Variants in KATNAL1 observed in about 807,000 individuals in gnomAD.
The protein encoded by KATNAL1 is katanin catalytic subunit A1 like 1.
KATNAL1 carries 32 observed loss-of-function variants against 55.2 expected under a neutral mutation model. The observed-to-expected ratio is 0.58, with a 90% CI of 0.44 to 0.78. The LOEUF is 0.78. KATNAL1 is among the 30% of genes least tolerant of loss of function. The pLI is 0.00. For synonymous variants in KATNAL1, 193 were observed against 193.6 expected (o/e 1.00, Z 0.02); for missense variants, 466 against 600.9 (o/e 0.78, Z 2.35).
intron 2 of KATNAL1, chr13:30,281,999 T>G (rs1404641055): frequency 6.6e-6 from 1 of 151,754 alleles, no homozygotes; most frequent in Non-Finnish European, 1.5e-5. Context: ...ATGCTTTTAT[T>G]TCCTTAAAGA....
In KATNAL1 at chr13:30,205,767, T is replaced by C. The variant is rs1873064094; in HGVS notation, c.*2773A>G. The C allele has an allele frequency of 6.5e-6, 1 of 154,430 alleles. No individual in the cohort carries two copies. The allele number at this position is 154,430 out of a possible 1,614,324, so 9.6% of individuals were successfully genotyped here. On this transcript the variant is annotated 3_prime_UTR_variant, in exon 11 of 11. Transcript: ENST00000380615. Reference sequence around the variant, plus strand: ...AATAAAGACTGTGTGTGTGTGTGTGTGTGTGTGTGTGTGTGTGTGTGTCTC... The same window carrying C: ...AATAAAGACTGTGTGTGTGTGTGTGCGTGTGTGTGTGTGTGTGTGTGTCTC...
intron 9 of KATNAL1, among the ~76,000 whole-genome samples, chr13:30,217,489 A>G (rs775265900): frequency 2.0e-5 from 3 of 152,220 alleles, no homozygotes; most frequent in African/African-American, 7.2e-5. Flanking sequence ...TAAGCTTGTG[A>G]AAAGATTTAA....
rs888690106 is a variant in KATNAL1 at position 30,207,356 on chromosome 13, C to G, written c.*1184G>C. The stretch of plus-strand genomic sequence containing the variant: ...CTTTATCTTAGTGTGTGTAAAAGTT[C>G]TCAACCTAGACAAGGACAAATTTTA... On this transcript the variant is annotated 3_prime_UTR_variant, in exon 11 of 11. Coordinates refer to ENST00000380615, the MANE Select transcript of KATNAL1 (RefSeq NM_032116.5). 2 of 152,142 alleles carry G rather than the reference C, an allele frequency of 1.3e-5. No homozygotes were observed. Among genetic ancestry groups the G allele is most frequent in the Non-Finnish European group, 2.9e-5 (2 of 68,032 alleles). The allele number at this position is 152,142 out of a possible 1,614,324, so 9.4% of individuals were successfully genotyped here. A position where few individuals can be genotyped will look rare whatever the true frequency, so the allele number is the denominator to read the frequency against.
At chr13:30,266,102 C>T (rs1406745735) in intron 3 of KATNAL1, among the ~76,000 whole-genome samples, 4 of 151,636 alleles carry the variant, frequency 2.6e-5, no homozygotes, top group Non-Finnish European at 5.9e-5. Flanking sequence ...GCAACCTCTA[C>T]CTCCCAGGTT....
chr13:30,252,980 A>T (rs1878465225), intron 4 of KATNAL1, among the ~76,000 whole-genome samples: 1 of 152,118 alleles, frequency 6.6e-6, no homozygotes, highest in Admixed American at 6.5e-5. Flanking sequence ...CTCCTGGGCT[A>T]AAGTGATTCA....
chr13:30,266,851 AG>A (rs1295507233), intron 3 of KATNAL1, among the ~76,000 whole-genome samples: 1 of 152,228 alleles, frequency 6.6e-6, no homozygotes, highest in Non-Finnish European at 1.5e-5. Flanking sequence ...CTGGAGGTAC[AG>A]ACATACTTCT....
rs1003712846 is a variant in KATNAL1, at chr13:30,205,172, A to G, written c.*3368T>C. The G allele has an allele frequency of 1.3e-5, 2 of 152,208 alleles. No individual in the cohort carries two copies. Among genetic ancestry groups the G allele is most frequent in the Admixed American group, 1.3e-4 (2 of 15,280 alleles). 9.4% of individuals were successfully genotyped at this position (152,208 alleles called of 1,614,324 possible). A position where few individuals can be genotyped will look rare whatever the true frequency, so the allele number is the denominator to read the frequency against. ...AAAGTGCAAAAAATAGGGGAAAAAA[A>G]CTTTTATATATTTTTCCAAAGCACA... On this transcript the variant is annotated 3_prime_UTR_variant, in exon 11 of 11. Coordinates refer to ENST00000380615, the MANE Select transcript of KATNAL1 (RefSeq NM_032116.5).
intron 4 of KATNAL1, among the ~76,000 whole-genome samples, chr13:30,243,608 CAAAAAAAAAAAAAAA>C (rs139687662): frequency 8.1e-5 from 7 of 86,468 alleles, no homozygotes; most frequent in African/African-American, 4.1e-4. Flanking sequence ...GGTATTAAGC[CAAAAAAAAAAAAAAA>C]AAAAAAAAAA....
intron 4 of KATNAL1, among the ~76,000 whole-genome samples, chr13:30,245,186 C>T (rs1306485510): frequency 6.6e-6 from 1 of 152,142 alleles, no homozygotes; most frequent in Non-Finnish European, 1.5e-5. Context: ...TCCAGCAGCA[C>T]ATCAAAAAGC....
intron 8 of KATNAL1, among the ~76,000 whole-genome samples, chr13:30,229,780 A>G (rs1875894343): frequency 6.6e-6 from 1 of 152,154 alleles, no homozygotes; most frequent in East Asian, 1.9e-4. Flanking sequence ...GTATCTATCA[A>G]TATCTTTAAA....
At chr13:30,270,823 CTTGT>C (rs1375041978) in intron 3 of KATNAL1, among the ~76,000 whole-genome samples, 1 of 151,018 alleles carries the variant, frequency 6.6e-6, no homozygotes, top group African/African-American at 2.4e-5. Context: ...CCTTTGTTCA[CTTGT>C]TTATCTGCTG....
intron 9 of KATNAL1, among the ~76,000 whole-genome samples, chr13:30,226,902 C>G (rs531562482): frequency 2.0e-5 from 3 of 152,108 alleles, no homozygotes; most frequent in East Asian, 1.9e-4. Flanking sequence ...ATGGCAAAAC[C>G]CTGTCTCTAC....
At chr13:30,302,219 C>T (rs904634444) in intron 1 of KATNAL1, among the ~76,000 whole-genome samples, 1 of 152,138 alleles carries the variant, frequency 6.6e-6, no homozygotes, top group African/African-American at 2.4e-5. Flanking sequence ...TATTTACTTA[C>T]TCATCCATTC....
intron 1 of KATNAL1, among the ~76,000 whole-genome samples, chr13:30,290,113 G>A (rs751122536): frequency 5.9e-5 from 9 of 152,152 alleles, no homozygotes; most frequent in East Asian, 1.9e-4. Context: ...GCAGTTTGCC[G>A]ACTCTTGCTT....
At chr13:30,252,025 A>C (rs149034386) in intron 4 of KATNAL1, among the ~76,000 whole-genome samples, 2 of 152,342 alleles carry the variant, frequency 1.3e-5, no homozygotes, top group African/African-American at 4.8e-5. Context: ...TCAGAAAATA[A>C]ACTCGTATTA....
In KATNAL1 at chr13:30,281,494, G is replaced by C. The variant is rs1443248138; in HGVS notation, c.163-1271C>G. Among the ~76,000 whole-genome samples, 3 of 152,114 alleles carry C rather than the reference G, an allele frequency of 2.0e-5. No homozygotes were observed. In the East Asian group the frequency reaches 5.8e-4, roughly 29 times the overall value. On this transcript the variant is annotated intron_variant, in intron 2 of 10. Coordinates refer to ENST00000380615, the MANE Select transcript of KATNAL1 (RefSeq NM_032116.5). ...AGATTAATAAAATACCCTGCCTGTGGCTAATAGGAAGGATAGAAGAAAACA... is the reference window on the plus strand; with the variant it reads ...AGATTAATAAAATACCCTGCCTGTGCCTAATAGGAAGGATAGAAGAAAACA...
intron 1 of KATNAL1, among the ~76,000 whole-genome samples, chr13:30,292,319 G>A (rs1247065234): frequency 6.6e-6 from 1 of 151,302 alleles, no homozygotes; most frequent in Non-Finnish European, 1.5e-5. Flanking sequence ...TGACCTAAAT[G>A]TAAGAGTTAA....
At chr13:30,245,459 C>A (rs1031458346) in intron 4 of KATNAL1, among the ~76,000 whole-genome samples, 5 of 152,108 alleles carry the variant, frequency 3.3e-5, no homozygotes, top group Non-Finnish European at 4.4e-5. Context: ...ACTGAATGGG[C>A]AAAAGCTGGA....
intron 3 of KATNAL1, among the ~76,000 whole-genome samples, chr13:30,274,883 A>G (rs866788980): frequency 9.3e-5 from 12 of 129,294 alleles, no homozygotes; most frequent in Non-Finnish European, 1.6e-4. Flanking sequence ...GGGTGTGTGC[A>G]CACACATACG....
Sources: gnomAD v4.1 joint callset for allele counts (sites outside exome capture counted in the v4.1 genomes callset) on GRCh38, gnomAD v4.1.1 for gene constraint, MANE v1.5 for transcripts, NCBI Gene and HGNC (gene_info 2026-07-23, HGNC 2026-07-21) for gene names.